SMARCAL1: variants seen among roughly 807,000 people sequenced by gnomAD.
The protein encoded by SMARCAL1 is SNF2 related chromatin remodeling annealing helicase 1, also known as ATP-driven annealing helicase.
A neutral mutation model predicts 94.5 loss-of-function variants in SMARCAL1; 58 were observed. The observed-to-expected ratio is 0.61, with a 90% confidence interval of 0.50 to 0.76. SMARCAL1 has a LOEUF of 0.76. SMARCAL1 is among the 30% of genes least tolerant of loss of function. The pLI is 0.00. For synonymous variants in SMARCAL1, 422 were observed against 455.1 expected, an observed-to-expected ratio of 0.93 and a Z score of 0.93; for missense variants, 1,051 against 1,177.9, an observed-to-expected ratio of 0.89 and a Z score of 1.58.
At chr2:216,423,515 C>A in intron 5 of SMARCAL1, 118 bp from the exon 6 acceptor site, 1 of 847,710 alleles carries the variant, frequency 1.2e-6, no homozygotes, top group Non-Finnish European at 2.0e-6. Flanking sequence ...ACAGGACCAG[C>A]TGCCACATTG....
Position 216,435,396 on chromosome 2 carries a change from G to A in SMARCAL1, c.1544G>A (p.Gly515Glu). Residue 515 changes from glycine (G) to glutamate (E), a missense_variant, in exon 9 of 18, where the codon GGG (glycine) becomes GAG (glutamate). Physicochemically the swap from Gly to Glu is moderately conservative, Grantham distance 98. Around this residue, in one of 3 missense-constraint regions of SMARCAL1, gnomAD observed 642 missense variants for 754.7 expected, o/e 0.85. Transcript: ENST00000357276. ...SPDCINVVVT[G>E]KDRLTAGLIN... ...GATTGCATCAACGTCGTGGTGACTG[G>A]GAAGGACCGCCTGACAGCTGGCCTG... The A allele has an allele frequency of 6.2e-7, 1 of 1,614,168 alleles. No individual in the cohort carries two copies.
chr2:216,431,168 A>G (rs940195275), intron 7 of SMARCAL1, among the ~76,000 whole-genome samples: 1 of 152,170 alleles, frequency 6.6e-6, no homozygotes, highest in Non-Finnish European at 1.5e-5. Flanking sequence ...CTGCCTGGGG[A>G]TTTGCTGCCC....
intron 7 of SMARCAL1, among the ~76,000 whole-genome samples, chr2:216,431,785 G>A (rs1693969258): frequency 6.6e-6 from 1 of 152,182 alleles, no homozygotes; most frequent in Non-Finnish European, 1.5e-5. Context: ...AGCAAGGGAT[G>A]CTGCACTTAA....
chr2:216,430,493 A>C (rs967104313), intron 7 of SMARCAL1, among the ~76,000 whole-genome samples: 4 of 152,146 alleles, frequency 2.6e-5, no homozygotes, highest in African/African-American at 9.7e-5. Context: ...GTGTTTTCTG[A>C]TTGATTAATT....
In SMARCAL1 at chr2:216,454,905, C is replaced by T. The variant is rs542874662; in HGVS notation, c.2070+3841C>T. On this transcript the variant is annotated intron_variant, in intron 12 of 17. Coordinates refer to ENST00000357276, the MANE Select transcript of SMARCAL1 (RefSeq NM_014140.4). ...CGTGAGCGGAAGCAGGGCGAGGCAT[C>T]GCCTCACCCAGGAAGCGCAAGGGGT... Among the ~76,000 whole-genome samples the T allele has an allele frequency of 1.2e-3, 176 of 152,302 alleles. 1 individual carries two copies. The highest frequency in any genetic ancestry group is 1.6e-3 in the Non-Finnish European group (107 of 68,026).
In SMARCAL1 at chr2:216,475,462, C is replaced by A. The variant is rs777739616; in HGVS notation, c.2427+11C>A. ...TTTTGGAACCCAGGGGTAAGAGACG[C>A]AGAAGACTCAGATACTCCCCAGGCA... On this transcript the variant is annotated intron_variant, in intron 15 of 17. Coordinates refer to ENST00000357276, the MANE Select transcript of SMARCAL1 (RefSeq NM_014140.4). This position sits in a 1 kb window ranked among gnomAD's most constrained non-coding sequence, Gnocchi z 4.4. 6 of 1,613,746 alleles carry A rather than the reference C, an allele frequency of 3.7e-6. No homozygotes were observed. The African/African-American group carries it at 8.0e-5, about 22-fold the overall frequency.
intron 17 of SMARCAL1, chr2:216,478,894 C>G (rs1695142836): frequency 5.9e-6 from 1 of 169,472 alleles, no homozygotes; most frequent in Admixed American, 5.5e-5. Flanking sequence ...AAGAGGCATC[C>G]CTCCATGACC....
chr2:216,424,620 G>A (rs1693791864), intron 6 of SMARCAL1, among the ~76,000 whole-genome samples: 1 of 152,154 alleles, frequency 6.6e-6, no homozygotes, highest in Non-Finnish European at 1.5e-5. Flanking sequence ...TCCTTCTTAT[G>A]TGACTTACTA....
intron 10 of SMARCAL1, among the ~76,000 whole-genome samples, chr2:216,445,164 A>G (rs756106550): frequency 3.3e-5 from 5 of 152,082 alleles, no homozygotes; most frequent in Non-Finnish European, 5.9e-5. Context: ...TAGATTTGGA[A>G]GTTTTCAGAA....
At chr2:216,418,297 A>G (rs1388305387) in intron 4 of SMARCAL1, among the ~76,000 whole-genome samples, 2 of 152,348 alleles carry the variant, frequency 1.3e-5, no homozygotes, top group East Asian at 1.9e-4. Flanking sequence ...ATACTTCTCA[A>G]TGAAGCTCAT....
intron 13 of SMARCAL1, among the ~76,000 whole-genome samples, chr2:216,465,354 G>A (rs759691346): frequency 9.9e-5 from 15 of 152,230 alleles, no homozygotes; most frequent in Middle Eastern, 3.4e-3. Flanking sequence ...TTTCTAGGAG[G>A]ACTGTGATCA....
intron 10 of SMARCAL1, among the ~76,000 whole-genome samples, chr2:216,441,815 G>A (rs74653082): frequency 1.3e-5 from 2 of 152,044 alleles, no homozygotes; most frequent in Admixed American, 6.6e-5. Flanking sequence ...ACATGACTCC[G>A]CCCTCAGGAT....
At chr2:216,461,831 A>G (rs1020155478) in intron 12 of SMARCAL1, among the ~76,000 whole-genome samples, 3 of 147,036 alleles carry the variant, frequency 2.0e-5, no homozygotes, top group South Asian at 2.1e-4. Context: ...CCTTGTCTCA[A>G]AAAAAAAAAA....
At chr2:216,443,294 G>A (rs1694238262) in intron 10 of SMARCAL1, among the ~76,000 whole-genome samples, 1 of 147,162 alleles carries the variant, frequency 6.8e-6, no homozygotes, top group Non-Finnish European at 1.5e-5. Context: ...TTAAACCTGG[G>A]AGGTGGAGGT....
chr2:216,455,904 G>A (rs1441000905), intron 12 of SMARCAL1, among the ~76,000 whole-genome samples: 1 of 152,216 alleles, frequency 6.6e-6, no homozygotes. Context: ...ATTTCTCTGA[G>A]CTAAAGGAGG....
chr2:216,433,826 C>A (rs1161111520), intron 8 of SMARCAL1, among the ~76,000 whole-genome samples: 1 of 151,918 alleles, frequency 6.6e-6, no homozygotes, highest in Non-Finnish European at 1.5e-5. Flanking sequence ...GGGACTTCTT[C>A]CTGAGGCCTC....
At chr2:216,426,748 G>T (rs1693841695) in intron 6 of SMARCAL1, among the ~76,000 whole-genome samples, 1 of 152,214 alleles carries the variant, frequency 6.6e-6, no homozygotes, top group Non-Finnish European at 1.5e-5. Flanking sequence ...TGAGAATAGA[G>T]CCCAGTTCCA....
chr2:216,450,620 C>T (rs1406602147), intron 11 of SMARCAL1, among the ~76,000 whole-genome samples: 1 of 152,202 alleles, frequency 6.6e-6, no homozygotes, highest in African/African-American at 2.4e-5. Context: ...TGTAGAATGC[C>T]ATGATAGGTG....
chr2:216,460,578 T>C (rs1448856172), intron 12 of SMARCAL1, among the ~76,000 whole-genome samples: 1 of 142,962 alleles, frequency 7.0e-6, no homozygotes, highest in Non-Finnish European at 1.6e-5. Flanking sequence ...CAGCAAACTA[T>C]CGCAAGGACA....
Sources: allele counts gnomAD v4.1 joint callset (sites outside exome capture counted in the v4.1 genomes callset), GRCh38; gene constraint gnomAD v4.1.1; regional missense constraint gnomAD v4.1.1; non-coding constraint Gnocchi (gnomAD v3.1); transcripts MANE v1.5; gene names NCBI Gene and HGNC (gene_info 2026-07-23, HGNC 2026-07-21).